The following TMC7 variants were observed in gnomAD, a reference collection of about 807,000 sequenced individuals.
TMC7 encodes the protein transmembrane channel like 7.
In TMC7, 54 loss-of-function variants were observed where a neutral mutation model predicts 82.9. That is an observed-to-expected ratio of 0.65 (90% CI 0.52 to 0.82). TMC7 has a LOEUF of 0.82. Ranked by LOEUF, TMC7 falls within the 40% of genes least tolerant of loss-of-function variation. TMC7 has a pLI of 0.00. For missense variants in TMC7, 820 were observed against 901.2 expected (o/e 0.91, Z 1.15); for synonymous variants, 350 against 337.9 (o/e 1.04, Z -0.39).
intron 9 of TMC7, among the ~76,000 whole-genome samples, chr16:19,042,088 C>T (rs1317641424): frequency 6.6e-6 from 1 of 152,112 alleles, no homozygotes; most frequent in Admixed American, 6.6e-5. Context: ...CGTGTCCTTC[C>T]TGTTGTATCC....
chr16:19,034,899 A>G (rs1596771079), intron 6 of TMC7, among the ~76,000 whole-genome samples: 1 of 152,206 alleles, frequency 6.6e-6, no homozygotes, highest in African/African-American at 2.4e-5. Flanking sequence ...TGGATCATAT[A>G]GGATATCTAG....
Position 19,037,875 on chromosome 16 carries a change from C to A in TMC7, c.1007C>A (p.Ala336Glu), listed in dbSNP as rs749237760. 19 of 1,610,530 alleles carry A rather than the reference C, an allele frequency of 1.2e-5. No homozygotes were observed. In the East Asian group the frequency reaches 4.2e-4, roughly 36 times the overall value. The change falls in exon 8 of 16, where the codon GCA becomes GAA. Residue 336 changes from alanine (A) to glutamate (E), a missense_variant and splice_region_variant. By Grantham distance (107) the Ala-to-Glu change is moderately radical. Transcript: ENST00000304381. ...AAGTGAATTTTCTTTTATCTTCAGGCAGATCTGGAGGAAGAAAGAATGCGG... is the reference window on the plus strand; with the variant it reads ...AAGTGAATTTTCTTTTATCTTCAGGAAGATCTGGAGGAAGAAAGAATGCGG... The part of the protein sequence containing the change: ...KHSSLRYELR[A>E]DLEEERMRQK...
chr16:19,025,014 A>G (rs1022723529), intron 5 of TMC7, among the ~76,000 whole-genome samples: 3 of 152,058 alleles, frequency 2.0e-5, no homozygotes, highest in Non-Finnish European at 4.4e-5. Context: ...TCAGAAAAAA[A>G]GCAATGAGAT....
intron 9 of TMC7, 104 bp from the exon 10 acceptor site, chr16:19,044,768 CAAAAAAAAAAAA>C (rs1165792461): frequency 6.8e-6 from 2 of 293,010 alleles, no homozygotes; most frequent in African/African-American, 9.9e-5. Flanking sequence ...CACTCCATCT[CAAAAAAAAAAAA>C]AAAAAAAAAA....
Position 19,038,008 on chromosome 16 carries a change from A to G in TMC7, c.1140A>G (p.Ile380Met). The G allele has an allele frequency of 1.9e-6, 3 of 1,614,058 alleles. No individual in the cohort carries two copies. Among genetic ancestry groups the G allele is most frequent in the Non-Finnish European group, 2.5e-6 (3 of 1,179,996 alleles). Residue 380 changes from isoleucine (I) to methionine (M), a missense_variant, in exon 8 of 16, where the codon ATA becomes ATG. By Grantham distance (10) the Ile-to-Met change is conservative. This residue lies in a region of TMC7 where 650 missense variants were observed against 669.9 expected (regional missense o/e 0.97). Coordinates refer to ENST00000304381, the MANE Select transcript of TMC7 (RefSeq NM_024847.4). The stretch of plus-strand genomic sequence containing the variant: ...TTTTAGGGGCATGCTTTTATGCAAT[A>G]TACGTAGCAACTGTCTTCTCGCAAG... ...LAVLGACFYA[I>M]YVATVFSQEH...
At chr16:19,011,540 A>C (rs1013989960) in intron 2 of TMC7, among the ~76,000 whole-genome samples, 2 of 150,402 alleles carry the variant, frequency 1.3e-5, no homozygotes, top group Non-Finnish European at 3.0e-5. Context: ...TAAATAAATA[A>C]ATAAATAAAA....
chr16:18,998,651 G>A (rs983755317), intron 1 of TMC7, among the ~76,000 whole-genome samples: 1 of 152,072 alleles, frequency 6.6e-6, no homozygotes, highest in African/African-American at 2.4e-5. Context: ...CCACTTGGGA[G>A]GCTGAGGCAG....
At chr16:19,051,241 T>TC (rs1322798999) in intron 12 of TMC7, among the ~76,000 whole-genome samples, 1 of 147,758 alleles carries the variant, frequency 6.8e-6, no homozygotes, top group African/African-American at 2.5e-5. Context: ...CCAAAATCTT[T>TC]TTTTTTTTTT....
chr16:19,036,632 A>G (rs956573692), intron 7 of TMC7, among the ~76,000 whole-genome samples: 5 of 149,300 alleles, frequency 3.3e-5, no homozygotes, highest in African/African-American at 1.2e-4. Flanking sequence ...AAGAGAATCA[A>G]TTGAACCAGG....
intron 5 of TMC7, among the ~76,000 whole-genome samples, chr16:19,026,320 G>C (rs1038228691): frequency 6.6e-6 from 1 of 151,218 alleles, no homozygotes; most frequent in Non-Finnish European, 1.5e-5. Flanking sequence ...ACTAAAAATA[G>C]AAAAAAATTA....
intron 13 of TMC7, among the ~76,000 whole-genome samples, chr16:19,054,663 C>T (rs1009002299): frequency 1.9e-4 from 29 of 149,454 alleles, no homozygotes; most frequent in South Asian, 2.1e-4. Flanking sequence ...TGCAGTGAGC[C>T]GAGATTGCAC....
intron 7 of TMC7, among the ~76,000 whole-genome samples, chr16:19,036,514 G>GA (rs768809502): frequency 3.3e-5 from 4 of 121,018 alleles, no homozygotes; most frequent in South Asian, 2.6e-4. Flanking sequence ...TCTCAAAAAA[G>GA]AAAAAAAAAG....
intron 12 of TMC7, among the ~76,000 whole-genome samples, chr16:19,050,381 A>C (rs1236814795): frequency 6.6e-6 from 1 of 151,492 alleles, no homozygotes; most frequent in Non-Finnish European, 1.5e-5. Flanking sequence ...AAAAAAAAAA[A>C]AAAAAAAAAA....
At chr16:19,046,792 C>G (rs192895218) in intron 11 of TMC7, among the ~76,000 whole-genome samples, 1 of 150,580 alleles carries the variant, frequency 6.6e-6, no homozygotes, top group African/African-American at 2.4e-5. Flanking sequence ...ATGATTGCAC[C>G]ACTACACTCC....
chr16:19,055,697 T>G (rs563235036), intron 13 of TMC7, among the ~76,000 whole-genome samples: 1 of 152,330 alleles, frequency 6.6e-6, no homozygotes, highest in South Asian at 2.1e-4. Context: ...TTCTATCTCC[T>G]TAGTCTCTCT....
In TMC7 at chr16:19,060,550, G is replaced by T. The variant is rs554372806; in HGVS notation, c.2106+1056G>T. On this transcript the variant is annotated intron_variant, in intron 15 of 15. Coordinates refer to ENST00000304381, the MANE Select transcript of TMC7 (RefSeq NM_024847.4). ...TAGAGAGAGGAGCCCATTATCTGAG[G>T]TCCTATTTAAGGATGAAAGTAAGAG... Among the ~76,000 whole-genome samples the T allele has an allele frequency of 9.9e-5, 15 of 152,146 alleles. No homozygotes were observed. The South Asian group carries it at 2.3e-3, about 23-fold the overall frequency.
At chr16:19,039,449 G>A (rs902707933) in intron 8 of TMC7, among the ~76,000 whole-genome samples, 1 of 152,134 alleles carries the variant, frequency 6.6e-6, no homozygotes, top group South Asian at 2.1e-4. Flanking sequence ...TTCTAGCCAA[G>A]GGGAAGGAGA....
At chr16:19,019,753 C>T (rs902111310) in intron 3 of TMC7, among the ~76,000 whole-genome samples, 4 of 152,064 alleles carry the variant, frequency 2.6e-5, no homozygotes, top group Admixed American at 1.3e-4. Flanking sequence ...GTGTGGTAGA[C>T]GGTAGGTTCT....
At chr16:19,043,892 T>G (rs1961137657) in intron 9 of TMC7, among the ~76,000 whole-genome samples, 1 of 151,040 alleles carries the variant, frequency 6.6e-6, no homozygotes, top group Non-Finnish European at 1.5e-5. Context: ...TTCTTTGAGA[T>G]GGAGTCTTGC....
Sources: gnomAD v4.1 joint callset for allele counts (sites outside exome capture counted in the v4.1 genomes callset) on GRCh38, gnomAD v4.1.1 for gene constraint, gnomAD v4.1.1 regional missense constraint, MANE v1.5 for transcripts, NCBI Gene and HGNC (gene_info 2026-07-23, HGNC 2026-07-21) for gene names.